HS6ST3: variants seen among roughly 807,000 people sequenced by gnomAD.
HS6ST3 encodes heparan-sulfate 6-O-sulfotransferase 3.
In HS6ST3, 12 loss-of-function variants were observed where a neutral mutation model predicts 36.7. The ratio of observed to expected loss-of-function variants is 0.33; its 90% CI spans 0.21 to 0.53. The LOEUF (loss-of-function observed/expected upper bound fraction) is 0.53, where lower values mean the gene tolerates loss of function less well. HS6ST3 is among the 20% of genes least tolerant of loss of function. HS6ST3 has a pLI of 0.95. For synonymous variants in HS6ST3, 240 were observed against 257.5 expected, an observed-to-expected ratio of 0.93 and a Z score of 0.65; for missense variants, 584 against 640.9, an observed-to-expected ratio of 0.91 and a Z score of 0.96.
intron 1 of HS6ST3, among the ~76,000 whole-genome samples, chr13:96,528,566 C>T (rs2056123726): frequency 6.6e-6 from 1 of 151,992 alleles, no homozygotes; most frequent in Non-Finnish European, 1.5e-5. Flanking sequence ...CTATAGTTTC[C>T]AATGTTTAAT....
rs141968753 is a variant in HS6ST3 at position 96,442,244 on chromosome 13, G to A, written c.707+350675G>A. On this transcript the variant is annotated intron_variant, in intron 1 of 1. Coordinates refer to ENST00000376705, the MANE Select transcript of HS6ST3 (RefSeq NM_153456.4). ...GCCCAGACTGGTCTTGAACTCCTGA[G>A]CTCAGGTAATCCATCCATCTTGGCT... Among the ~76,000 whole-genome samples the A allele has an allele frequency of 1.0e-3, 159 of 152,226 alleles. 1 individual carries two copies. Among genetic ancestry groups the A allele is most frequent in the African/African-American group, 3.7e-3 (153 of 41,540 alleles).
Position 96,747,031 on chromosome 13 carries a change from T to G in HS6ST3, c.708-85459T>G, listed in dbSNP as rs185202889. On this transcript the variant is annotated intron_variant, in intron 1 of 1. Transcript: ENST00000376705. Reference sequence around the variant, plus strand: ...TCCATTATACTGCGAGACTATTTTTTTTTCCCAACCTCCCTACCATCTGTC... The same window carrying G: ...TCCATTATACTGCGAGACTATTTTTGTTTCCCAACCTCCCTACCATCTGTC... Among the ~76,000 whole-genome samples, 920 of 152,256 alleles carry G rather than the reference T, an allele frequency of 6.0e-3. 2 individuals carry two copies. The highest frequency in any genetic ancestry group is 0.01 in the Middle Eastern group (3 of 294).
At chr13:96,276,367 T>A (rs1283866025) in intron 1 of HS6ST3, among the ~76,000 whole-genome samples, 1 of 152,170 alleles carries the variant, frequency 6.6e-6, no homozygotes, top group Non-Finnish European at 1.5e-5. Flanking sequence ...CATCACCTAA[T>A]CTTTCCTTTT....
chr13:96,514,923 AG>A (rs1430559543), intron 1 of HS6ST3, among the ~76,000 whole-genome samples: 2 of 152,242 alleles, frequency 1.3e-5, no homozygotes, highest in Non-Finnish European at 2.9e-5. Context: ...GTACTAATAA[AG>A]ATGAAGGTAA....
At chr13:96,401,126 G>C (rs1158210754) in intron 1 of HS6ST3, among the ~76,000 whole-genome samples, 1 of 152,162 alleles carries the variant, frequency 6.6e-6, no homozygotes, top group Non-Finnish European at 1.5e-5. Flanking sequence ...GGTGCAGAAG[G>C]AGGCTGGACC....
intron 1 of HS6ST3, among the ~76,000 whole-genome samples, chr13:96,505,765 G>A (rs762616705): frequency 7.2e-5 from 11 of 152,000 alleles, no homozygotes; most frequent in Admixed American, 2.0e-4. Flanking sequence ...TCTTCTTTAC[G>A]CTCAATAAAA....
chr13:96,807,128 G>A (rs1025139147), intron 1 of HS6ST3, among the ~76,000 whole-genome samples: 2 of 152,136 alleles, frequency 1.3e-5, no homozygotes, highest in African/African-American at 4.8e-5. Flanking sequence ...TGAAGAATAC[G>A]GGAGCTGAAG....
intron 1 of HS6ST3, among the ~76,000 whole-genome samples, chr13:96,714,828 A>G (rs1875650685): frequency 6.6e-6 from 1 of 152,154 alleles, no homozygotes; most frequent in Admixed American, 6.5e-5. Flanking sequence ...CCTCCTAAGT[A>G]GATGGGACTA....
intron 1 of HS6ST3, among the ~76,000 whole-genome samples, chr13:96,593,166 C>CTT (rs2056388950): frequency 2.9e-5 from 2 of 68,882 alleles, no homozygotes; most frequent in African/African-American, 5.1e-5. Flanking sequence ...TGTGTATTTT[C>CTT]TTTCTTTCTT....
chr13:96,636,112 G>A (rs927161777), intron 1 of HS6ST3, among the ~76,000 whole-genome samples: 1 of 152,168 alleles, frequency 6.6e-6, no homozygotes, highest in African/African-American at 2.4e-5. Flanking sequence ...TTCCCTGGGA[G>A]CCATTTCTTT....
intron 1 of HS6ST3, among the ~76,000 whole-genome samples, chr13:96,572,456 T>G (rs1396400033): frequency 6.6e-6 from 1 of 152,204 alleles, no homozygotes; most frequent in Non-Finnish European, 1.5e-5. Context: ...GCCATTTGCA[T>G]ATAAACAATT....
intron 1 of HS6ST3, among the ~76,000 whole-genome samples, chr13:96,611,718 AG>A (rs1248192138): frequency 4.6e-5 from 7 of 152,218 alleles, no homozygotes; most frequent in Non-Finnish European, 8.8e-5. Context: ...AATGCATTCC[AG>A]GAAAAGGAAT....
At chr13:96,216,054 A>G (rs1442756765) in intron 1 of HS6ST3, among the ~76,000 whole-genome samples, 1 of 152,218 alleles carries the variant, frequency 6.6e-6, no homozygotes, top group Admixed American at 6.5e-5. Flanking sequence ...CTGGGTAAAC[A>G]TGGATAAGTT....
At chr13:96,610,103 T>A (rs991935476) in intron 1 of HS6ST3, among the ~76,000 whole-genome samples, 4 of 152,200 alleles carry the variant, frequency 2.6e-5, no homozygotes, top group Non-Finnish European at 5.9e-5. Flanking sequence ...GCTTCTGGCA[T>A]TAAATAGCCT....
chr13:96,412,420 A>T (rs905780405), intron 1 of HS6ST3, among the ~76,000 whole-genome samples: 9 of 152,214 alleles, frequency 5.9e-5, no homozygotes, highest in Non-Finnish European at 1.2e-4. Flanking sequence ...AGGAGAACAC[A>T]TTCTAGGGAG....
intron 1 of HS6ST3, among the ~76,000 whole-genome samples, chr13:96,460,403 C>G (rs1325855979): frequency 6.6e-6 from 1 of 152,152 alleles, no homozygotes; most frequent in African/African-American, 2.4e-5. Flanking sequence ...AGTTTGGTAA[C>G]TAAACTTTAT....
chr13:96,649,386 AT>A (rs1286529032), intron 1 of HS6ST3, among the ~76,000 whole-genome samples: 5 of 152,140 alleles, frequency 3.3e-5, no homozygotes, highest in South Asian at 2.1e-4. Flanking sequence ...GAATACCATG[AT>A]TCAATTATCT....
intron 1 of HS6ST3, among the ~76,000 whole-genome samples, chr13:96,262,472 A>G (rs2054671094): frequency 6.6e-6 from 1 of 152,202 alleles, no homozygotes; most frequent in African/African-American, 2.4e-5. Flanking sequence ...AATTATGACC[A>G]AGCCTAGATT....
intron 1 of HS6ST3, among the ~76,000 whole-genome samples, chr13:96,266,509 C>T (rs1355591353): frequency 6.6e-6 from 1 of 152,152 alleles, no homozygotes; most frequent in Non-Finnish European, 1.5e-5. Context: ...TAAAATTTTA[C>T]ATTATTCATT....
Sources: gnomAD v4.1 joint callset for allele counts (sites outside exome capture counted in the v4.1 genomes callset) on GRCh38, gnomAD v4.1.1 for gene constraint, MANE v1.5 for transcripts, NCBI Gene and HGNC (gene_info 2026-07-23, HGNC 2026-07-21) for gene names.